MAPK9: variants seen among roughly 807,000 people sequenced by gnomAD.
MAPK9 encodes the protein mitogen-activated protein kinase 9.
In MAPK9, 30 loss-of-function variants were observed where a neutral mutation model predicts 57.1. The observed-to-expected ratio is 0.53, with a 90% CI of 0.39 to 0.71. MAPK9 has a LOEUF of 0.71. MAPK9 is among the 30% of genes least tolerant of loss of function. The pLI is 0.00. For missense variants in MAPK9, 362 were observed against 521.0 expected, an observed-to-expected ratio of 0.69 and a Z score of 2.97; for synonymous variants, 155 against 177.0, an observed-to-expected ratio of 0.88 and a Z score of 0.99.
At chr5:180,263,509 G>C (rs1760201498) in intron 4 of MAPK9, among the ~76,000 whole-genome samples, 2 of 152,022 alleles carry the variant, frequency 1.3e-5, no homozygotes, top group South Asian at 4.2e-4. Flanking sequence ...ACTTGCCTTA[G>C]AGCAAAAGAC....
At chr5:180,251,160 C>A (rs150663171) in intron 5 of MAPK9, among the ~76,000 whole-genome samples, 2 of 152,266 alleles carry the variant, frequency 1.3e-5, no homozygotes, top group South Asian at 2.1e-4. Context: ...CAGAAACAGG[C>A]GCTTCCTCAG....
In MAPK9 at chr5:180,235,677, A is replaced by G. The variant is rs191660527; in HGVS notation, c.*707T>C. 6.6e-6 allele frequency: 1 copy of G among 152,370 alleles called. No homozygotes were observed. The highest frequency in any genetic ancestry group is 1.9e-4 in the East Asian group (1 of 5,194). 9.4% of individuals were successfully genotyped at this position (152,370 alleles called of 1,614,324 possible). ...AAATTGTATCGTGCAGTAAAGCTGA[A>G]TGTACAATCATCCCAGACAAGACAG... On this transcript the variant is annotated 3_prime_UTR_variant, in exon 12 of 12. Coordinates refer to ENST00000452135, the MANE Select transcript of MAPK9 (RefSeq NM_002752.5).
chr5:180,267,498 C>G (rs910161419), intron 3 of MAPK9, among the ~76,000 whole-genome samples: 26 of 144,314 alleles, frequency 1.8e-4, no homozygotes, highest in Admixed American at 3.6e-4. Flanking sequence ...GGAGGCGGAG[C>G]TTGCAGTGAG....
At chr5:180,266,903 T>A (rs1208930076) in intron 3 of MAPK9, among the ~76,000 whole-genome samples, 1 of 152,184 alleles carries the variant, frequency 6.6e-6, no homozygotes, top group East Asian at 1.9e-4. Flanking sequence ...CGTTAGAATG[T>A]TCATTGCAGC....
chr5:180,238,671 T>C (rs911988242), intron 10 of MAPK9, among the ~76,000 whole-genome samples: 13 of 148,362 alleles, frequency 8.8e-5, no homozygotes, highest in African/African-American at 3.0e-4. Flanking sequence ...TACAGTGGCA[T>C]GGTCTTGACT....
intron 3 of MAPK9, among the ~76,000 whole-genome samples, chr5:180,265,153 T>C (rs1165351872): frequency 6.6e-6 from 1 of 152,210 alleles, no homozygotes; most frequent in East Asian, 1.9e-4. Context: ...GTATGTTAAC[T>C]CTGAAAACTT....
chr5:180,267,789 G>A (rs571692183), intron 3 of MAPK9, among the ~76,000 whole-genome samples: 51 of 150,506 alleles, frequency 3.4e-4, no homozygotes, highest in Non-Finnish European at 2.9e-4. Flanking sequence ...CACAACCTGG[G>A]TGACAGAATG....
chr5:180,274,012 T>C (rs1048941455), intron 2 of MAPK9, among the ~76,000 whole-genome samples: 14 of 152,200 alleles, frequency 9.2e-5, no homozygotes, highest in African/African-American at 3.4e-4. Flanking sequence ...TGAGATTTGA[T>C]TGCAATCACT....
chr5:180,256,729 G>A (rs1035166295), intron 5 of MAPK9, among the ~76,000 whole-genome samples: 5 of 152,098 alleles, frequency 3.3e-5, no homozygotes, highest in African/African-American at 1.2e-4. Context: ...TGCAGGCACC[G>A]GCTATTCCAT....
intron 2 of MAPK9, among the ~76,000 whole-genome samples, chr5:180,273,661 C>T (rs1374903764): frequency 6.6e-6 from 1 of 152,218 alleles, no homozygotes; most frequent in Non-Finnish European, 1.5e-5. Context: ...CTGACATTCA[C>T]TTTTGTGTAT....
intron 1 of MAPK9, among the ~76,000 whole-genome samples, chr5:180,283,874 G>T (rs1762518536): frequency 6.6e-6 from 1 of 152,192 alleles, no homozygotes. Context: ...GGTGGAGATT[G>T]CAGTGAGCTG....
intron 5 of MAPK9, among the ~76,000 whole-genome samples, chr5:180,259,358 T>C (rs1759667027): frequency 6.6e-6 from 1 of 151,866 alleles, no homozygotes; most frequent in South Asian, 2.1e-4. Flanking sequence ...GAACTCACAC[T>C]GGAGAGAAAC....
At chr5:180,278,882 G>T (rs1250809621) in intron 2 of MAPK9, among the ~76,000 whole-genome samples, 3 of 150,876 alleles carry the variant, frequency 2.0e-5, no homozygotes, top group Admixed American at 6.6e-5. Context: ...TAAACCAAAA[G>T]AATGCTTTGT....
intron 2 of MAPK9, among the ~76,000 whole-genome samples, chr5:180,274,758 T>C (rs932335688): frequency 5.9e-5 from 9 of 152,192 alleles, no homozygotes; most frequent in Non-Finnish European, 1.0e-4. Context: ...AGATAATCAA[T>C]AGGTGTTGTT....
chr5:180,262,071 T>A (rs1760025498), intron 4 of MAPK9, among the ~76,000 whole-genome samples: 1 of 151,634 alleles, frequency 6.6e-6, no homozygotes, highest in Non-Finnish European at 1.5e-5. Context: ...CAAACACAAA[T>A]TTTCCTACTT....
chr5:180,269,538 G>C, intron 2 of MAPK9, 129 bp from the exon 3 acceptor site: 1 of 861,064 alleles, frequency 1.2e-6, no homozygotes, highest in Middle Eastern at 2.4e-4. Flanking sequence ...TTCATTCAAG[G>C]TACTTGCACA....
chr5:180,257,815 A>C, intron 5 of MAPK9: 3 of 169,954 alleles, frequency 1.8e-5, no homozygotes, highest in Non-Finnish European at 3.9e-5. Context: ...CCAGATTCCA[A>C]ATCTGAACCT....
intron 1 of MAPK9, among the ~76,000 whole-genome samples, chr5:180,283,171 T>C (rs1762463281): frequency 6.6e-6 from 1 of 152,170 alleles, no homozygotes; most frequent in Non-Finnish European, 1.5e-5. Flanking sequence ...TCCTGCTAGA[T>C]AAATGGCTGC....
intron 1 of MAPK9, among the ~76,000 whole-genome samples, chr5:180,288,645 C>G (rs956522852): frequency 2.6e-5 from 4 of 152,192 alleles, no homozygotes; most frequent in Admixed American, 1.3e-4. Context: ...GGGAGTCTGA[C>G]TCAAAGTCCT....
Sources: allele counts gnomAD v4.1 joint callset (sites outside exome capture counted in the v4.1 genomes callset), GRCh38; gene constraint gnomAD v4.1.1; transcripts MANE v1.5; gene names NCBI Gene and HGNC (gene_info 2026-07-23, HGNC 2026-07-21).